Variants in PBX3 observed in about 807,000 individuals in gnomAD.
PBX3 encodes the protein PBX homeobox 3, also known as pre-B-cell leukemia transcription factor 3.
In PBX3, 14 loss-of-function variants were observed where a neutral mutation model predicts 48.5. That is an observed-to-expected ratio of 0.29 (90% CI 0.19 to 0.45). The LOEUF (loss-of-function observed/expected upper bound fraction) is 0.45. Among genes scored for constraint, PBX3 ranks in the 20% least tolerant of loss-of-function variants. The probability of loss-of-function intolerance (pLI) is 1.00; values close to 1 mark genes in which losing one functional copy is unlikely to be tolerated. For synonymous variants in PBX3, 210 were observed against 200.3 expected (o/e 1.05, Z -0.41); for missense variants, 386 against 546.7 (o/e 0.71, Z 2.93).
chr9:125,842,376 A>C (rs185574884), intron 2 of PBX3, among the ~76,000 whole-genome samples: 3 of 152,296 alleles, frequency 2.0e-5, no homozygotes, highest in African/African-American at 7.2e-5. Flanking sequence ...ACATCATATC[A>C]GTTTTCTGAA....
At position 125,907,478 on chromosome 9, in the gene PBX3, A is replaced by G. The variant is rs537424504; in HGVS notation, c.275-8208A>G. On this transcript the variant is annotated intron_variant, in intron 2 of 8. Transcript: ENST00000373489. Reference sequence around the variant, plus strand: ...TTTAATTAAAAAAAGACTTTAATTCATATGATTTAAAGTGAATACCACTGT... The same window carrying G: ...TTTAATTAAAAAAAGACTTTAATTCGTATGATTTAAAGTGAATACCACTGT... Among the ~76,000 whole-genome samples, 14 of 152,214 alleles carry G rather than the reference A, an allele frequency of 9.2e-5. 1 individual carries two copies. The highest frequency in any genetic ancestry group is 8.3e-4 in the South Asian group (4 of 4,828).
At chr9:125,817,999 G>A (rs7048550) in intron 2 of PBX3, among the ~76,000 whole-genome samples, 10,644 of 152,102 alleles carry the variant, frequency 0.07, 1,168 homozygotes, top group African/African-American at 0.24. Flanking sequence ...TCAGGAGATC[G>A]AGACCAGACT....
At chr9:125,829,714 T>G (rs1018447324) in intron 2 of PBX3, among the ~76,000 whole-genome samples, 2 of 152,158 alleles carry the variant, frequency 1.3e-5, no homozygotes, top group African/African-American at 4.8e-5. Context: ...ATTTTAGTGT[T>G]TTTCTGAAAG....
rs972973202 is a variant in PBX3 at position 125,766,580 on chromosome 9, G to A, written c.274+17957G>A. Among the ~76,000 whole-genome samples the A allele has an allele frequency of 7.2e-5, 11 of 152,060 alleles. 1 individual carries two copies. Among genetic ancestry groups the A allele is most frequent in the Admixed American group, 2.6e-4 (4 of 15,268 alleles). ...TTAAGACTTGTTTCTCTATAGAGTT[G>A]GGAAGGACATTTGTTTTAGTACATT... On this transcript the variant is annotated intron_variant, in intron 2 of 8. Transcript: ENST00000373489.
At chr9:125,963,140 C>A in intron 8 of PBX3, 39 bp downstream of exon 8, 1 of 1,110,464 alleles carries the variant, frequency 9.0e-7, no homozygotes, top group Middle Eastern at 2.0e-4. Context: ...AGAACAGTGT[C>A]AGGTAAACAG....
At chr9:125,806,929 G>A (rs1838141751) in intron 2 of PBX3, among the ~76,000 whole-genome samples, 1 of 152,240 alleles carries the variant, frequency 6.6e-6, no homozygotes, top group Admixed American at 6.5e-5. Context: ...TGAATAATTT[G>A]AGAGGAGAAG....
chr9:125,834,902 A>T (rs1055986656), intron 2 of PBX3, among the ~76,000 whole-genome samples: 6 of 149,530 alleles, frequency 4.0e-5, no homozygotes, highest in African/African-American at 1.5e-4. Flanking sequence ...CTGTAATCCC[A>T]GCTATTCAGG....
chr9:125,807,403 A>G (rs1199369214), intron 2 of PBX3, among the ~76,000 whole-genome samples: 2 of 152,156 alleles, frequency 1.3e-5, no homozygotes, highest in Non-Finnish European at 2.9e-5. Flanking sequence ...ATAGAAACTG[A>G]TGTAGTTAGC....
At chr9:125,953,425 C>T (rs1467331856) in intron 5 of PBX3, among the ~76,000 whole-genome samples, 4 of 150,934 alleles carry the variant, frequency 2.7e-5, no homozygotes, top group African/African-American at 7.3e-5. Context: ...TGTGGTGAGC[C>T]GTGATTGTGC....
intron 2 of PBX3, among the ~76,000 whole-genome samples, chr9:125,863,699 T>C (rs1588234111): frequency 6.6e-6 from 1 of 152,330 alleles, no homozygotes; most frequent in South Asian, 2.1e-4. Flanking sequence ...AAGAAACACC[T>C]AAGAAACCAG....
rs1564681272 is a variant in PBX3 at position 125,835,051 on chromosome 9, A to AAAAAAAAAAAAAAAAAAAAAAT, written c.275-80635_275-80634insAAAAAAAAAAAAAAAAAAAAAT. The stretch of plus-strand genomic sequence containing the variant: ...AAAAAAAAAAAAAAAAAAAAAAAAA[A>AAAAAAAAAAAAAAAAAAAAAAT]GGGCAAAAGATATGAAAAGACAAGT... On this transcript the variant is annotated intron_variant, in intron 2 of 8. Transcript: ENST00000373489. 1.9e-5 allele frequency among the ~76,000 whole-genome samples: 2 copies of AAAAAAAAAAAAAAAAAAAAAAT among 108,002 alleles called. 1 individual carries two copies. The highest frequency in any genetic ancestry group is 7.6e-5 in the African/African-American group (2 of 26,310). 70.9% of individuals were successfully genotyped at this position (108,002 alleles called of 152,430 possible). A position where few individuals can be genotyped will look rare whatever the true frequency, so the allele number is the denominator to read the frequency against.
chr9:125,783,885 C>A (rs1837390556), intron 2 of PBX3, among the ~76,000 whole-genome samples: 1 of 152,008 alleles, frequency 6.6e-6, no homozygotes, highest in Non-Finnish European at 1.5e-5. Flanking sequence ...CCTATAATCC[C>A]AGCTACTCTG....
chr9:125,906,533 A>G (rs1841075600), intron 2 of PBX3, among the ~76,000 whole-genome samples: 1 of 152,038 alleles, frequency 6.6e-6, no homozygotes, highest in Non-Finnish European at 1.5e-5. Context: ...GAATACAAAG[A>G]TAAGCATGAG....
chr9:125,867,132 G>A (rs1283347889), intron 2 of PBX3, among the ~76,000 whole-genome samples: 1 of 151,902 alleles, frequency 6.6e-6, no homozygotes, highest in Non-Finnish European at 1.5e-5. Context: ...CTTGAGAAGT[G>A]TAGTTTAACA....
intron 2 of PBX3, among the ~76,000 whole-genome samples, chr9:125,871,188 G>A (rs1490637472): frequency 6.6e-6 from 1 of 152,120 alleles, no homozygotes; most frequent in Non-Finnish European, 1.5e-5. Context: ...CATGAGGTCA[G>A]GAGTTTGAGA....
intron 2 of PBX3, among the ~76,000 whole-genome samples, chr9:125,750,286 G>A (rs887096413): frequency 3.9e-5 from 6 of 152,066 alleles, no homozygotes; most frequent in African/African-American, 1.5e-4. Context: ...GATACTTATC[G>A]CTTCTCATCC....
chr9:125,804,031 T>A (rs559647382), intron 2 of PBX3, among the ~76,000 whole-genome samples: 7 of 152,334 alleles, frequency 4.6e-5, no homozygotes, highest in Non-Finnish European at 8.8e-5. Context: ...TGAGCATCTT[T>A]GTTGTGATTT....
rs761648860 is a variant in PBX3 at position 125,935,599 on chromosome 9, G to C, written c.835G>C (p.Val279Leu). 3 of 1,613,690 alleles carry C rather than the reference G, an allele frequency of 1.9e-6. No individual in the cohort carries two copies. The Admixed American group carries it at 5.0e-5, about 27-fold the overall frequency. ...EELAKKCSIT[V>L]SQVSNWFGNK... is the part of the protein sequence containing the mutation. The stretch of plus-strand genomic sequence containing the variant: ...GCTGGCCAAGAAATGCAGCATCACA[G>C]TGTCACAGGTGAGAAAGGACCCATG... The change falls in exon 5 of 9, where the codon GTG becomes CTG. Residue 279 changes from valine (V) to leucine (L), a missense_variant. Physicochemically the swap from Val to Leu is conservative, Grantham distance 32. Coordinates refer to ENST00000373489, the MANE Select transcript of PBX3 (RefSeq NM_006195.6).
intron 2 of PBX3, among the ~76,000 whole-genome samples, chr9:125,889,882 C>G (rs1164827536): frequency 6.7e-6 from 1 of 148,390 alleles, no homozygotes; most frequent in African/African-American, 2.4e-5. Flanking sequence ...CGCCCGCGCT[C>G]GCGCTGCCCG....
Sources: gnomAD v4.1 joint callset for allele counts (sites outside exome capture counted in the v4.1 genomes callset) on GRCh38, gnomAD v4.1.1 for gene constraint, MANE v1.5 for transcripts, NCBI Gene and HGNC (gene_info 2026-07-23, HGNC 2026-07-21) for gene names.